Variants in AXDND1 observed in about 807,000 individuals in gnomAD.
AXDND1 encodes axonemal dynein light chain domain-containing protein 1.
A neutral mutation model predicts 137.5 loss-of-function variants in AXDND1; 110 were observed. The ratio of observed to expected loss-of-function variants is 0.80; its 90% CI spans 0.69 to 0.94. The LOEUF is 0.94. Ranked by LOEUF, AXDND1 falls within the 40% of genes least tolerant of loss-of-function variation. The pLI, the probability that AXDND1 is intolerant of heterozygous loss-of-function variation, is 0.00. For missense variants in AXDND1, 1,191 were observed against 1,169.8 expected (o/e 1.02, Z -0.26); for synonymous variants, 414 against 399.7 (o/e 1.04, Z -0.43).
intron 10 of AXDND1, 148 bp downstream of exon 10, chr1:179,394,191 G>A: frequency 1.3e-6 from 1 of 791,456 alleles, no homozygotes; most frequent in Non-Finnish European, 1.9e-6. Flanking sequence ...AAAAGAACTA[G>A]ATGTCATTGT....
chr1:179,487,417 T>C (rs939080008), intron 18 of AXDND1, among the ~76,000 whole-genome samples: 5 of 148,728 alleles, frequency 3.4e-5, no homozygotes, highest in Non-Finnish European at 4.4e-5. Flanking sequence ...TGGTACATTA[T>C]AAAACATATA....
chr1:179,468,562 A>G lies in AXDND1; in HGVS notation c.1918A>G (p.Asn640Asp). The change falls in exon 17 of 26, where the codon AAT becomes GAT. Residue 640 changes from asparagine (N) to aspartate (D), a missense_variant. Physicochemically the swap from Asn to Asp is conservative, Grantham distance 23. Coordinates refer to ENST00000367618, the MANE Select transcript of AXDND1 (RefSeq NM_144696.6). ...ATGGCAGGAAATAGATGAAAAAATT[A>G]ATGAAATGAAATCACACTTGGATAT... ...EEWQEIDEKI[N>D]EMKSHLDILL... is the part of the protein sequence containing the mutation. 6.2e-7 allele frequency: 1 copy of G among 1,612,866 alleles called. No homozygotes were observed. Among genetic ancestry groups the G allele is most frequent in the South Asian group, 1.1e-5 (1 of 91,024 alleles).
intron 21 of AXDND1, among the ~76,000 whole-genome samples, chr1:179,510,897 CT>C (rs1572128546): frequency 6.6e-6 from 1 of 151,318 alleles, no homozygotes. Context: ...CCTTGCCCCC[CT>C]CCCACCCTTC....
At chr1:179,468,355 C>A in intron 16 of AXDND1, 88 bp from the exon 17 acceptor site, 2 of 898,076 alleles carry the variant, frequency 2.2e-6, no homozygotes, top group Non-Finnish European at 3.3e-6. Context: ...AAAGATAATG[C>A]CCTTGCTCAG....
At chr1:179,440,891 C>T (rs1407433317) in intron 15 of AXDND1, among the ~76,000 whole-genome samples, 7 of 152,176 alleles carry the variant, frequency 4.6e-5, no homozygotes, top group Non-Finnish European at 1.0e-4. Context: ...AAGCTGTGAG[C>T]TCTAAAACCT....
intron 12 of AXDND1, among the ~76,000 whole-genome samples, chr1:179,422,650 A>G (rs892986561): frequency 1.3e-5 from 2 of 152,326 alleles, no homozygotes; most frequent in Middle Eastern, 3.4e-3. Context: ...AGTTAGGCCT[A>G]TTAGGTCCAG....
intron 12 of AXDND1, among the ~76,000 whole-genome samples, chr1:179,420,403 C>CT (rs1460257205): frequency 1.3e-5 from 2 of 151,766 alleles, no homozygotes; most frequent in East Asian, 1.9e-4. Flanking sequence ...CTGTAGTTTT[C>CT]TTTTTTTTGT....
chr1:179,492,422 T>C (rs887058873), intron 19 of AXDND1, among the ~76,000 whole-genome samples: 1 of 140,078 alleles, frequency 7.1e-6, no homozygotes, highest in African/African-American at 2.6e-5. Flanking sequence ...CCAAAACTTC[T>C]TTTTACAAAA....
chr1:179,506,592 C>T (rs1411225791), intron 20 of AXDND1, among the ~76,000 whole-genome samples: 1 of 152,122 alleles, frequency 6.6e-6, no homozygotes, highest in Non-Finnish European at 1.5e-5. Context: ...ATTAGCCGGG[C>T]ATGGTGGCAT....
At chr1:179,416,778 A>G (rs1166406779) in intron 12 of AXDND1, among the ~76,000 whole-genome samples, 1 of 152,200 alleles carries the variant, frequency 6.6e-6, no homozygotes, top group Non-Finnish European at 1.5e-5. Flanking sequence ...TATGGTATAT[A>G]AGCCTTGAGC....
At chr1:179,452,330 A>G (rs186941186) in intron 16 of AXDND1, 1 of 153,068 alleles carries the variant, frequency 6.5e-6, no homozygotes, top group East Asian at 1.9e-4. Flanking sequence ...TGTTAAAGGC[A>G]TTCAGTTTTA....
chr1:179,456,478 T>C, intron 16 of AXDND1: 2 of 768,552 alleles, frequency 2.6e-6, no homozygotes, highest in South Asian at 1.3e-5. Context: ...TTATAGCTAT[T>C]ATAGCTGCCA....
intron 12 of AXDND1, among the ~76,000 whole-genome samples, chr1:179,418,180 T>C (rs1403660156): frequency 1.3e-5 from 2 of 151,232 alleles, no homozygotes; most frequent in Non-Finnish European, 2.9e-5. Context: ...GATTAGGGAG[T>C]GGTGATGACT....
intron 21 of AXDND1, among the ~76,000 whole-genome samples, chr1:179,516,396 C>T (rs1669544251): frequency 6.6e-6 from 1 of 152,124 alleles, no homozygotes; most frequent in African/African-American, 2.4e-5. Context: ...TGGGCTTCGC[C>T]TTTCTCTGGT....
intron 16 of AXDND1, among the ~76,000 whole-genome samples, chr1:179,466,202 C>T (rs1044619425): frequency 8.6e-5 from 13 of 152,022 alleles, no homozygotes; most frequent in East Asian, 5.8e-4. Flanking sequence ...GCATTGCTCA[C>T]GCTGGGAGCT....
intron 12 of AXDND1, among the ~76,000 whole-genome samples, chr1:179,425,253 C>T (rs1388757894): frequency 6.6e-6 from 1 of 152,254 alleles, no homozygotes; most frequent in South Asian, 2.1e-4. Flanking sequence ...AGGTTCACCT[C>T]AACTCTAGTA....
chr1:179,478,109 C>T (rs1207883754), intron 17 of AXDND1, among the ~76,000 whole-genome samples: 1 of 152,184 alleles, frequency 6.6e-6, no homozygotes, highest in African/African-American at 2.4e-5. Flanking sequence ...CAGGCTCCCT[C>T]CTGGCTGCTT....
chr1:179,404,007 A>G (rs1366955870), intron 11 of AXDND1, among the ~76,000 whole-genome samples: 1 of 152,156 alleles, frequency 6.6e-6, no homozygotes, highest in East Asian at 1.9e-4. Flanking sequence ...GTACCTGTAC[A>G]TTTGTTAACA....
chr1:179,383,306 C>G (rs1443368012), intron 7 of AXDND1, 136 bp from the exon 8 acceptor site: 1 of 618,656 alleles, frequency 1.6e-6, no homozygotes, highest in Non-Finnish European at 2.8e-6. Context: ...TTAATAGACA[C>G]AGGTCTAATG....
Sources: gnomAD v4.1 joint callset for allele counts (sites outside exome capture counted in the v4.1 genomes callset) on GRCh38, gnomAD v4.1.1 for gene constraint, MANE v1.5 for transcripts, NCBI Gene and HGNC (gene_info 2026-07-23, HGNC 2026-07-21) for gene names.